CCNY: variants seen among roughly 807,000 people sequenced by gnomAD.
CCNY encodes the protein cyclin-Y.
CCNY carries 19 observed loss-of-function variants against 42.8 expected under a neutral mutation model. The ratio of observed to expected loss-of-function variants is 0.44; its 90% CI spans 0.31 to 0.65. The LOEUF (loss-of-function observed/expected upper bound fraction) is 0.65. Ranked by LOEUF, CCNY falls within the 30% of genes least tolerant of loss-of-function variation. CCNY has a pLI of 0.07. For missense variants in CCNY, 370 were observed against 437.3 expected, an observed-to-expected ratio of 0.85 and a Z score of 1.37; for synonymous variants, 165 against 162.7, an observed-to-expected ratio of 1.01 and a Z score of -0.11.
chr10:35,271,518 A>G (rs933850762), intron 3 of CCNY, among the ~76,000 whole-genome samples: 1 of 152,212 alleles, frequency 6.6e-6, no homozygotes, highest in Non-Finnish European at 1.5e-5. Context: ...TCTGTTCTCA[A>G]CAAGGCCAGC....
At chr10:35,489,346 G>A (rs1013530260) in intron 2 of CCNY, among the ~76,000 whole-genome samples, 2 of 152,180 alleles carry the variant, frequency 1.3e-5, no homozygotes, top group African/African-American at 4.8e-5. Context: ...TGTCGCTGAG[G>A]CTGGAGTGCG....
intron 1 of CCNY, among the ~76,000 whole-genome samples, chr10:35,350,913 C>CT (rs1319505828): frequency 6.6e-6 from 1 of 152,112 alleles, no homozygotes; most frequent in African/African-American, 2.4e-5. Flanking sequence ...AACATTGTCT[C>CT]TAAGTATATT....
intron 8 of CCNY, among the ~76,000 whole-genome samples, chr10:35,563,814 C>G (rs1841512783): frequency 6.6e-6 from 1 of 151,854 alleles, no homozygotes. Context: ...TCAAGTGATT[C>G]TCCTGCCTCA....
intron 3 of CCNY, among the ~76,000 whole-genome samples, chr10:35,511,887 T>C (rs1020655148): frequency 6.6e-6 from 1 of 152,208 alleles, no homozygotes; most frequent in Non-Finnish European, 1.5e-5. Context: ...CTCTCCCCAG[T>C]GGAGAACGTC....
intron 3 of CCNY, among the ~76,000 whole-genome samples, chr10:35,275,213 G>A (rs1835224166): frequency 6.6e-6 from 1 of 151,590 alleles, no homozygotes; most frequent in East Asian, 2.0e-4. Flanking sequence ...ACAGGCACCC[G>A]CCATCATGCT....
intron 5 of CCNY, among the ~76,000 whole-genome samples, chr10:35,529,242 G>A (rs750841707): frequency 3.3e-5 from 5 of 152,108 alleles, no homozygotes; most frequent in African/African-American, 1.2e-4. Context: ...GTGACGTTGC[G>A]TGTTGTGAAT....
At chr10:35,328,169 A>T (rs1304442376) in intron 3 of CCNY, among the ~76,000 whole-genome samples, 2 of 152,190 alleles carry the variant, frequency 1.3e-5, no homozygotes, top group African/African-American at 4.8e-5. Context: ...ACGGGCATTG[A>T]AGGTGTTATC....
intron 3 of CCNY, among the ~76,000 whole-genome samples, chr10:35,279,565 T>G (rs1023923192): frequency 6.6e-6 from 1 of 152,158 alleles, no homozygotes; most frequent in African/African-American, 2.4e-5. Context: ...CAAGTCCAAG[T>G]AGAGAAAAGC....
intron 3 of CCNY, among the ~76,000 whole-genome samples, chr10:35,509,018 C>CT (rs1840268936): frequency 6.6e-6 from 1 of 152,148 alleles, no homozygotes; most frequent in Non-Finnish European, 1.5e-5. Context: ...GCTTCTTTCA[C>CT]TTAGCATAAT....
intron 3 of CCNY, among the ~76,000 whole-genome samples, chr10:35,329,550 C>T (rs906429607): frequency 6.6e-6 from 1 of 152,166 alleles, no homozygotes; most frequent in Non-Finnish European, 1.5e-5. Context: ...AAAATGCTAA[C>T]TGGCATGGAA....
chr10:35,498,525 G>T (rs932678843), intron 2 of CCNY, among the ~76,000 whole-genome samples: 10 of 152,150 alleles, frequency 6.6e-5, no homozygotes, highest in Non-Finnish European at 1.5e-4. Context: ...TTAAGGTTGA[G>T]CAGAGCCCTT....
At chr10:35,337,713 C>T (rs535450413) in intron 1 of CCNY, among the ~76,000 whole-genome samples, 1 of 150,560 alleles carries the variant, frequency 6.6e-6, no homozygotes, top group African/African-American at 2.5e-5. Context: ...GACTCCACTT[C>T]CCCCGTTCCC....
intron 3 of CCNY, among the ~76,000 whole-genome samples, chr10:35,288,587 T>C (rs1835379779): frequency 2.0e-5 from 3 of 152,232 alleles, no homozygotes. Context: ...GATTTTCTCC[T>C]AGTATTTTTC....
At chr10:35,415,187 G>C (rs1215447840) in intron 1 of CCNY, among the ~76,000 whole-genome samples, 2 of 152,228 alleles carry the variant, frequency 1.3e-5, no homozygotes, top group Non-Finnish European at 2.9e-5. Flanking sequence ...TGGCCCTAAG[G>C]GCAGATGGGC....
chr10:35,534,178 T>C (rs1023916080), intron 7 of CCNY, among the ~76,000 whole-genome samples: 3 of 152,094 alleles, frequency 2.0e-5, no homozygotes, highest in African/African-American at 7.2e-5. Context: ...TGCGCCACCA[T>C]GCCCTGCTAA....
chr10:35,481,601 A>G (rs369218779), intron 1 of CCNY, among the ~76,000 whole-genome samples: 4 of 152,214 alleles, frequency 2.6e-5, no homozygotes, highest in Non-Finnish European at 5.9e-5. Flanking sequence ...TCTGAGGCCA[A>G]GGATTGATTT....
intron 1 of CCNY, among the ~76,000 whole-genome samples, chr10:35,380,607 A>T (rs145048461): frequency 6.6e-6 from 1 of 152,252 alleles, no homozygotes; most frequent in Non-Finnish European, 1.5e-5. Flanking sequence ...CAACTATCAC[A>T]TATAGAGCAC....
At chr10:35,405,536 G>T (rs1837739047) in intron 1 of CCNY, among the ~76,000 whole-genome samples, 1 of 152,178 alleles carries the variant, frequency 6.6e-6, no homozygotes, top group South Asian at 2.1e-4. Context: ...GTGCATAAAA[G>T]AATATTGTCC....
At chr10:35,452,116 T>G (rs894494734) in intron 1 of CCNY, among the ~76,000 whole-genome samples, 3 of 152,238 alleles carry the variant, frequency 2.0e-5, no homozygotes, top group African/African-American at 7.2e-5. Flanking sequence ...TGGGAGCAAG[T>G]GCTGCCTTTT....
Sources: allele counts gnomAD v4.1 joint callset (sites outside exome capture counted in the v4.1 genomes callset), GRCh38; gene constraint gnomAD v4.1.1; transcripts MANE v1.5; gene names NCBI Gene and HGNC (gene_info 2026-07-23, HGNC 2026-07-21).